Variants in BFSP2 observed in about 807,000 individuals in gnomAD.
BFSP2 encodes phakinin.
BFSP2 carries 38 observed loss-of-function variants against 44.9 expected under a neutral mutation model. The ratio of observed to expected loss-of-function variants is 0.85; its 90% CI spans 0.65 to 1.11. BFSP2 has a LOEUF of 1.11. Ranked by LOEUF, BFSP2 falls within the 50% of genes least tolerant of loss-of-function variation. The pLI is 0.00. For missense variants in BFSP2, 525 were observed against 533.0 expected, an observed-to-expected ratio of 0.99 and a Z score of 0.15; for synonymous variants, 197 against 209.9, an observed-to-expected ratio of 0.94 and a Z score of 0.53.
At chr3:133,449,972 G>GAAAGAAAGAAAGAAAGAAAGAAA (rs1559976005) in intron 3 of BFSP2, among the ~76,000 whole-genome samples, 27 of 114,702 alleles carry the variant, frequency 2.4e-4, no homozygotes, top group African/African-American at 9.3e-4. Flanking sequence ...AGAGAAAGAA[G>GAAAGAAAGAAAGAAAGAAAGAAA]GAAAGAAGGA....
intron 4 of BFSP2, among the ~76,000 whole-genome samples, chr3:133,451,016 C>A (rs1038225243): frequency 4.8e-5 from 7 of 145,454 alleles, no homozygotes; most frequent in Non-Finnish European, 7.4e-5. Context: ...GAGGCTGAGG[C>A]AGGAGAATGG....
chr3:133,472,750 ATATAT>A (rs1485263588), intron 6 of BFSP2, among the ~76,000 whole-genome samples, 185 bp downstream of exon 6: 1 of 152,104 alleles, frequency 6.6e-6, no homozygotes, highest in Non-Finnish European at 1.5e-5. Flanking sequence ...AATATATATA[ATATAT>A]TCACATACTA....
At chr3:133,416,542 C>T (rs2073531966) in intron 1 of BFSP2, among the ~76,000 whole-genome samples, 1 of 148,534 alleles carries the variant, frequency 6.7e-6, no homozygotes. Flanking sequence ...TCTACTCATC[C>T]CTCTATACAC....
At chr3:133,447,064 T>G (rs999897316) in intron 1 of BFSP2, among the ~76,000 whole-genome samples, 2 of 152,196 alleles carry the variant, frequency 1.3e-5, no homozygotes, top group Non-Finnish European at 2.9e-5. Context: ...AGTCTGCCTT[T>G]GAATAGTCTT....
At chr3:133,452,481 G>A (rs1443844174) in intron 4 of BFSP2, among the ~76,000 whole-genome samples, 1 of 152,158 alleles carries the variant, frequency 6.6e-6, no homozygotes, top group Non-Finnish European at 1.5e-5. Context: ...CTGATGAGAA[G>A]TGGAGCAACA....
intron 1 of BFSP2, among the ~76,000 whole-genome samples, chr3:133,431,056 T>C (rs552659278): frequency 1.5e-5 from 2 of 130,260 alleles, no homozygotes; most frequent in African/African-American, 5.0e-5. Flanking sequence ...TCATCAAATA[T>C]AAAAAACCCA....
chr3:133,429,116 C>G lies in BFSP2; in HGVS notation c.490-18201C>G, dbSNP rs187939477. ...CCTGATTGAATTCCACCCCCACCCC[C>G]CCAGAGGTCACTGCTGCCCTAAATT... On this transcript the variant is annotated intron_variant, in intron 1 of 6. Transcript: ENST00000302334. Among the ~76,000 whole-genome samples the G allele has an allele frequency of 2.6e-4, 39 of 152,180 alleles. No individual in the cohort carries two copies. In the East Asian group the frequency reaches 3.1e-3, roughly 12 times the overall value.
intron 4 of BFSP2, among the ~76,000 whole-genome samples, chr3:133,451,984 G>T (rs973825317): frequency 6.6e-6 from 1 of 152,324 alleles, no homozygotes; most frequent in Admixed American, 6.5e-5. Context: ...GCAAAAGGCT[G>T]TTTCTGAGCT....
intron 4 of BFSP2, chr3:133,455,510 A>C (rs2074005463): frequency 6.6e-6 from 1 of 152,198 alleles, no homozygotes. Context: ...CTTTAATCTG[A>C]TTAAGTCAGG....
intron 4 of BFSP2, among the ~76,000 whole-genome samples, chr3:133,461,867 T>G (rs889859529): frequency 1.3e-5 from 2 of 152,234 alleles, no homozygotes; most frequent in African/African-American, 4.8e-5. Context: ...ACACCTCTGT[T>G]GTACTTATTT....
chr3:133,466,677 CAAAAAAA>C (rs59331608), intron 4 of BFSP2, 144 bp from the exon 5 acceptor site: 7 of 259,256 alleles, frequency 2.7e-5, no homozygotes, highest in African/African-American at 4.7e-5. Context: ...TTCATCTCAA[CAAAAAAA>C]AAAAAAAAAA....
chr3:133,421,033 G>A (rs1559962260), intron 1 of BFSP2, among the ~76,000 whole-genome samples: 2 of 152,328 alleles, frequency 1.3e-5, no homozygotes, highest in South Asian at 4.1e-4. Flanking sequence ...CTGTTTCATA[G>A]GATTGCTGTG....
chr3:133,431,212 C>T (rs946903121), intron 1 of BFSP2, among the ~76,000 whole-genome samples: 1 of 152,134 alleles, frequency 6.6e-6, no homozygotes, highest in African/African-American at 2.4e-5. Flanking sequence ...AATTAAATTC[C>T]GGCCCTCAAA....
chr3:133,400,539 C>T lies in BFSP2; in HGVS notation c.456C>T (p.Ala152=). 6.2e-7 allele frequency: 1 copy of T among 1,612,390 alleles called. No individual in the cohort carries two copies. The highest frequency in any genetic ancestry group is 1.1e-5 in the South Asian group (1 of 90,900). The change falls in exon 1 of 7, where the codon GCC becomes GCT. Residue 152 remains alanine, a synonymous_variant. Coordinates refer to ENST00000302334, the MANE Select transcript of BFSP2 (RefSeq NM_003571.4). The surrounding 1 kb of genome is among the most constrained non-coding windows in gnomAD (Gnocchi z 4.0). ...SKATRSGNWG[A]LRASWASSCQ... ...CCACACGCTCGGGAAACTGGGGTGC[C>T]CTACGGGCTTCCTGGGCCAGCAGCT...
At chr3:133,439,163 G>C (rs762553508) in intron 1 of BFSP2, among the ~76,000 whole-genome samples, 1 of 152,210 alleles carries the variant, frequency 6.6e-6, no homozygotes, top group Non-Finnish European at 1.5e-5. Flanking sequence ...TGTAGTAAGT[G>C]CTTTAAAAAA....
intron 3 of BFSP2, 117 bp downstream of exon 3, chr3:133,448,762 A>G (rs2073928392): frequency 1.5e-6 from 2 of 1,345,154 alleles, no homozygotes; most frequent in East Asian, 2.4e-5. Context: ...TTGCGTGCCC[A>G]GGACTGCAGG....
At chr3:133,435,267 A>G (rs544307862) in intron 1 of BFSP2, among the ~76,000 whole-genome samples, 5 of 152,174 alleles carry the variant, frequency 3.3e-5, no homozygotes, top group Non-Finnish European at 7.3e-5. Context: ...GCTTTAGCTA[A>G]CTCTCAAAAC....
chr3:133,452,636 G>A (rs1161264453), intron 4 of BFSP2, among the ~76,000 whole-genome samples: 1 of 152,144 alleles, frequency 6.6e-6, no homozygotes, highest in Non-Finnish European at 1.5e-5. Context: ...GACCCAGAGA[G>A]TGCAGGTGAC....
intron 1 of BFSP2, among the ~76,000 whole-genome samples, chr3:133,424,212 ATTTTTTTTTTTT>A (rs112772093): frequency 0.44 from 28,788 of 64,980 alleles, 4,715 homozygotes; most frequent in African/African-American, 0.6. Flanking sequence ...CGTCCAGCTA[ATTTTTTTTTTTT>A]TTTTTTTTTT....
Sources: allele counts gnomAD v4.1 joint callset (sites outside exome capture counted in the v4.1 genomes callset), GRCh38; gene constraint gnomAD v4.1.1; non-coding constraint Gnocchi (gnomAD v3.1); transcripts MANE v1.5; gene names NCBI Gene and HGNC (gene_info 2026-07-23, HGNC 2026-07-21).